Variants in EIF3A observed in about 807,000 individuals in gnomAD.
EIF3A encodes the protein EIF3, p180 subunit.
Under a neutral mutation model 186.6 loss-of-function variants are expected in EIF3A, and 21 were observed. The ratio of observed to expected loss-of-function variants is 0.11; its 90% CI spans 0.08 to 0.16. The LOEUF (loss-of-function observed/expected upper bound fraction) is 0.16. Ranked by LOEUF, EIF3A falls within the 10% of genes least tolerant of loss-of-function variation. EIF3A has a pLI of 1.00. For missense variants in EIF3A, 1,306 were observed against 1,796.3 expected (o/e 0.73, Z 4.93); for synonymous variants, 563 against 584.3 (o/e 0.96, Z 0.52).
At position 119,042,232 on chromosome 10, in the gene EIF3A, G is replaced by A. The variant is rs1848218138; in HGVS notation, c.3288C>T (p.Asp1096=). ...CATCCATGCCTCGCCTGGGACCCCG[G>A]TCATCATCCATGCCTCGCCTGGGAC... is the stretch of plus-strand genomic sequence containing the variant. ...DRGPRRGMDD[D]RGPRRGMDDD... Residue 1096 remains aspartate (D), a synonymous_variant, in exon 19 of 22, where the codon GAC becomes GAT. Coordinates refer to ENST00000369144, the MANE Select transcript of EIF3A (RefSeq NM_003750.4). This position sits in a 1 kb window ranked among gnomAD's most constrained non-coding sequence, Gnocchi z 7.8. 4 of 1,611,144 alleles carry A rather than the reference G, an allele frequency of 2.5e-6. No individual in the cohort carries two copies. The highest frequency in any genetic ancestry group is 2.5e-6 in the Non-Finnish European group (3 of 1,179,196).
intron 19 of EIF3A, among the ~76,000 whole-genome samples, 193 bp from the exon 20 acceptor site, chr10:119,038,632 A>C (rs1848168035): frequency 6.6e-6 from 1 of 152,162 alleles, no homozygotes; most frequent in Non-Finnish European, 1.5e-5. Flanking sequence ...TATATGAGAA[A>C]CTTAAAATGG....
Position 119,033,745 on chromosome 10 carries a change from CAAAG to C in EIF3A, c.*2290_*2293del, listed in dbSNP as rs909412171. On this transcript the variant is annotated 3_prime_UTR_variant, in exon 22 of 22. Coordinates refer to ENST00000369144, the MANE Select transcript of EIF3A (RefSeq NM_003750.4). Reference sequence around the variant, plus strand: ...TATCACAAATATATATGCTTCCAGACAAAGAAAAGTTTGTTAGTCCTGATTTTCT... The same window carrying C: ...TATCACAAATATATATGCTTCCAGACAAAAGTTTGTTAGTCCTGATTTTCT... 1.1e-4 allele frequency: 19 copies of C among 166,934 alleles called. No individual in the cohort carries two copies. The highest frequency in any genetic ancestry group is 2.4e-4 in the African/African-American group (10 of 41,480). The allele number at this position is 166,934 out of a possible 1,614,324, so 10.3% of individuals were successfully genotyped here.
In EIF3A at chr10:119,042,999, T is replaced by A. The variant is rs976113706; in HGVS notation, c.2748-227A>T. 6.0e-5 allele frequency among the ~76,000 whole-genome samples: 9 copies of A among 149,562 alleles called. No homozygotes were observed. Among genetic ancestry groups the A allele is most frequent in the Non-Finnish European group, 1.3e-4 (9 of 67,722 alleles). On this transcript the variant is annotated intron_variant, in intron 18 of 21. Transcript: ENST00000369144. The surrounding 1 kb of genome is among the most constrained non-coding windows in gnomAD (Gnocchi z 7.8). The stretch of plus-strand genomic sequence containing the variant: ...CCCATCTCTACTTAATTGTAAGACA[T>A]GCGGCTGGGCACAGTCGCTCACACC...
chr10:119,049,722 C>G, intron 17 of EIF3A, 79 bp downstream of exon 17: 2 of 1,308,372 alleles, frequency 1.5e-6, no homozygotes, highest in Non-Finnish European at 2.1e-6. Context: ...GCAACCTGGG[C>G]GACAGAGCAA....
intron 14 of EIF3A, among the ~76,000 whole-genome samples, chr10:119,054,065 C>T (rs1040899802): frequency 2.0e-5 from 3 of 152,144 alleles, no homozygotes; most frequent in Non-Finnish European, 4.4e-5. Flanking sequence ...GGATTACAGG[C>T]ATCTGCCACC....
chr10:119,061,010 G>A (rs1843876459), intron 8 of EIF3A, 166 bp from the exon 9 acceptor site: 3 of 594,704 alleles, frequency 5.0e-6, no homozygotes, highest in South Asian at 4.6e-5. Context: ...TGGCAGCAAT[G>A]GCTAAATTAG....
intron 14 of EIF3A, among the ~76,000 whole-genome samples, chr10:119,056,346 T>C (rs1260046522): frequency 1.3e-5 from 2 of 151,846 alleles, no homozygotes; most frequent in Admixed American, 1.3e-4. Flanking sequence ...AGGGCTGGGG[T>C]GGTGGGGAAG....
Position 119,058,168 on chromosome 10 carries a change from G to A in EIF3A, c.1765C>T (p.Arg589Cys), listed in dbSNP as rs1843819165. Residue 589 changes from arginine (R) to cysteine (C), a missense_variant, in exon 12 of 22, where the codon CGT (arginine) becomes TGT (cysteine). Physicochemically the swap from Arg to Cys is radical, Grantham distance 180. This residue lies in a region of EIF3A where 94 missense variants were observed against 204.9 expected (regional missense o/e 0.46). Transcript: ENST00000369144. ...KERLESLNIQ[R>C]EKEELEQREA... ...CTCTGTTCCAATTCTTCTTTCTCAC[G>A]CTGAATATTCAGACTCTCAAGGCGC... The A allele has an allele frequency of 6.2e-7, 1 of 1,613,750 alleles. No individual in the cohort carries two copies. The highest frequency in any genetic ancestry group is 1.1e-5 in the South Asian group (1 of 91,078).
chr10:119,071,178 T>A, intron 4 of EIF3A, 93 bp from the exon 5 acceptor site: 1 of 901,742 alleles, frequency 1.1e-6, no homozygotes, highest in Non-Finnish European at 1.7e-6. Flanking sequence ...ATCAGTTGTT[T>A]TAACAGGATT....
rs1218901016 is a variant in EIF3A at position 119,034,369 on chromosome 10, T to G, written c.*1670A>C. ...AGTAACTCGTCTGAACAAATCTGAT[T>G]AAATAAATTCTTGGGGCTTACCTGT... On this transcript the variant is annotated 3_prime_UTR_variant, in exon 22 of 22. Coordinates refer to ENST00000369144, the MANE Select transcript of EIF3A (RefSeq NM_003750.4). 2.5e-5 allele frequency: 4 copies of G among 160,508 alleles called. No homozygotes were observed. Among genetic ancestry groups the G allele is most frequent in the Admixed American group, 2.0e-4 (3 of 15,282 alleles). The allele number at this position is 160,508 out of a possible 1,614,324, so 9.9% of individuals were successfully genotyped here.
intron 20 of EIF3A, 150 bp downstream of exon 20, chr10:119,038,087 TG>T: frequency 1.5e-6 from 1 of 673,082 alleles, no homozygotes; most frequent in East Asian, 2.8e-5. Flanking sequence ...CGGCTAATTT[TG>T]TATTTTTTAG....
In EIF3A at chr10:119,038,428, C is replaced by T; in HGVS notation, c.3538G>A (p.Glu1180Lys). Reference sequence around the variant, plus strand: ...CTCTCCTCTCTGGCTTTTTCTTTCTCTCTCCATCCACCTGTTTTTTTGAAA... The same window carrying T: ...CTCTCCTCTCTGGCTTTTTCTTTCTTTCTCCATCCACCTGTTTTTTTGAAA... The part of the protein sequence containing the change: ...RPLVKPGGWR[E>K]KEKAREESWG... Residue 1180 changes from glutamate to lysine, a missense_variant, in exon 20 of 22, where the codon GAG becomes AAG. Glu to Lys is a moderately conservative substitution (Grantham distance 56, BLOSUM62 1). Around this residue, in one of 8 missense-constraint regions of EIF3A, gnomAD observed 331 missense variants for 365.8 expected, o/e 0.90. Coordinates refer to ENST00000369144, the MANE Select transcript of EIF3A (RefSeq NM_003750.4). The T allele has an allele frequency of 1.9e-6, 3 of 1,612,518 alleles. No homozygotes were observed. The highest frequency in any genetic ancestry group is 2.5e-6 in the Non-Finnish European group (3 of 1,179,550).
intron 7 of EIF3A, among the ~76,000 whole-genome samples, chr10:119,064,112 C>T (rs565118894): frequency 2.0e-5 from 3 of 152,266 alleles, no homozygotes; most frequent in African/African-American, 7.2e-5. Flanking sequence ...AGGCTCCACA[C>T]TCTAAAACTT....
chr10:119,050,409 G>T, intron 16 of EIF3A, 112 bp downstream of exon 16: 1 of 1,100,604 alleles, frequency 9.1e-7, no homozygotes, highest in Non-Finnish European at 1.3e-6. Context: ...TAATTACAGT[G>T]CTAAAAGGCC....
At chr10:119,065,898 C>G (rs1004334855) in intron 6 of EIF3A, among the ~76,000 whole-genome samples, 58 of 151,710 alleles carry the variant, frequency 3.8e-4, no homozygotes, top group African/African-American at 1.4e-3. Context: ...GGGCACATCA[C>G]GACGTCAAGA....
At chr10:119,065,036 A>G (rs991594003) in intron 7 of EIF3A, among the ~76,000 whole-genome samples, 1 of 152,068 alleles carries the variant, frequency 6.6e-6, no homozygotes, top group African/African-American at 2.4e-5. Flanking sequence ...GTGCGAGAAC[A>G]TACTAATACA....
intron 20 of EIF3A, 118 bp from the exon 21 acceptor site, chr10:119,037,427 CAT>C: frequency 3.4e-6 from 3 of 871,788 alleles, no homozygotes; most frequent in South Asian, 3.4e-5. Flanking sequence ...AGTTTAAACT[CAT>C]AACCTGACCT....
intron 19 of EIF3A, among the ~76,000 whole-genome samples, chr10:119,039,315 A>G (rs1848177176): frequency 1.3e-5 from 2 of 152,154 alleles, no homozygotes; most frequent in Admixed American, 1.3e-4. Context: ...TACAGTACAT[A>G]TAGAGATGTA....
At chr10:119,074,402 T>C (rs1320830965) in intron 1 of EIF3A, among the ~76,000 whole-genome samples, 4 of 151,714 alleles carry the variant, frequency 2.6e-5, no homozygotes, top group Admixed American at 1.3e-4. Flanking sequence ...GAGGCGGAGG[T>C]TGCAGTGAGC....
Sources: allele counts gnomAD v4.1 joint callset (sites outside exome capture counted in the v4.1 genomes callset), GRCh38; gene constraint gnomAD v4.1.1; regional missense constraint gnomAD v4.1.1; non-coding constraint Gnocchi (gnomAD v3.1); transcripts MANE v1.5; gene names NCBI Gene and HGNC (gene_info 2026-07-23, HGNC 2026-07-21).